The following CDH12 variants were observed in gnomAD, a reference collection of about 807,000 sequenced individuals.
CDH12 encodes cadherin 12, also known as cadherin-12.
Under a neutral mutation model 74.1 loss-of-function variants are expected in CDH12, and 41 were observed. The ratio of observed to expected loss-of-function variants is 0.55; its 90% CI spans 0.43 to 0.72. The LOEUF (loss-of-function observed/expected upper bound fraction) is 0.72, where lower values mean the gene tolerates loss of function less well. CDH12 is among the 30% of genes least tolerant of loss of function. The probability of loss-of-function intolerance (pLI) is 0.00; values close to 1 mark genes in which losing one functional copy is unlikely to be tolerated. For missense variants in CDH12, 945 were observed against 977.2 expected (o/e 0.97, Z 0.44); for synonymous variants, 399 against 355.0 (o/e 1.12, Z -1.39).
intron 3 of CDH12, among the ~76,000 whole-genome samples, chr5:22,222,400 ATT>A (rs1752047832): frequency 6.6e-6 from 1 of 151,926 alleles, no homozygotes; most frequent in African/African-American, 2.4e-5. Flanking sequence ...TAGGTTCTTG[ATT>A]TCTGGCAGAA....
At chr5:22,817,004 A>C (rs1435501933) in intron 1 of CDH12, among the ~76,000 whole-genome samples, 1 of 152,172 alleles carries the variant, frequency 6.6e-6, no homozygotes, top group Non-Finnish European at 1.5e-5. Context: ...CACACTTTTC[A>C]AATTAAAATT....
intron 1 of CDH12, among the ~76,000 whole-genome samples, chr5:22,663,759 T>C (rs1740462634): frequency 6.6e-6 from 1 of 152,188 alleles, no homozygotes; most frequent in East Asian, 1.9e-4. Flanking sequence ...TGTTAAAGTG[T>C]TCATTTCATT....
chr5:22,626,163 G>C (rs1368521105), intron 1 of CDH12, among the ~76,000 whole-genome samples: 1 of 152,158 alleles, frequency 6.6e-6, no homozygotes, highest in Non-Finnish European at 1.5e-5. Context: ...TGGGCACTCT[G>C]CCTCACCATT....
intron 6 of CDH12, among the ~76,000 whole-genome samples, chr5:21,896,759 C>T (rs757871960): frequency 2.6e-5 from 4 of 152,114 alleles, no homozygotes; most frequent in Admixed American, 2.0e-4. Flanking sequence ...TAACACTGCC[C>T]GCTTCCCAGA....
intron 10 of CDH12, among the ~76,000 whole-genome samples, chr5:21,800,186 G>A (rs772249960): frequency 2.9e-5 from 4 of 139,094 alleles, no homozygotes; most frequent in South Asian, 2.1e-4. Flanking sequence ...ATTTGGCCTC[G>A]GGATGAATTG....
intron 2 of CDH12, among the ~76,000 whole-genome samples, chr5:22,496,409 T>C (rs1206450712): frequency 6.6e-6 from 1 of 152,240 alleles, no homozygotes; most frequent in African/African-American, 2.4e-5. Context: ...GATTTTGATC[T>C]ATGTCACTTT....
chr5:22,562,878 T>G (rs922266848), intron 1 of CDH12, among the ~76,000 whole-genome samples: 1 of 148,494 alleles, frequency 6.7e-6, no homozygotes, highest in African/African-American at 2.4e-5. Context: ...TTTTATAAAT[T>G]TAAATTTATA....
At chr5:22,716,858 GA>G (rs1013564888) in intron 1 of CDH12, among the ~76,000 whole-genome samples, 9 of 151,098 alleles carry the variant, frequency 6.0e-5, no homozygotes, top group African/African-American at 1.9e-4. Flanking sequence ...ATTTGAAAAA[GA>G]AAAAAAGATT....
At chr5:22,666,864 G>GT (rs1002171434) in intron 1 of CDH12, among the ~76,000 whole-genome samples, 2 of 152,112 alleles carry the variant, frequency 1.3e-5, no homozygotes, top group African/African-American at 4.8e-5. Flanking sequence ...ACAATCTGTG[G>GT]TTTTCTCTAG....
At chr5:22,505,231 G>A (rs561530624) in intron 2 of CDH12, 39 bp downstream of exon 2, 4 of 656,886 alleles carry the variant, frequency 6.1e-6, no homozygotes, top group South Asian at 1.3e-4. Context: ...TAATTAAGAA[G>A]GTAAAAGCAT....
At chr5:21,964,506 A>C (rs942586755) in intron 6 of CDH12, among the ~76,000 whole-genome samples, 1 of 152,004 alleles carries the variant, frequency 6.6e-6, no homozygotes, top group African/African-American at 2.4e-5. Context: ...TGGACCCATA[A>C]AATAATCTTT....
At chr5:22,586,343 TG>T (rs1211899878) in intron 1 of CDH12, among the ~76,000 whole-genome samples, 5 of 151,074 alleles carry the variant, frequency 3.3e-5, no homozygotes, top group African/African-American at 4.9e-5. Flanking sequence ...TGTTGTGGGG[TG>T]GGGGGAGTGA....
intron 4 of CDH12, among the ~76,000 whole-genome samples, chr5:22,156,826 C>T (rs1413442782): frequency 1.3e-5 from 2 of 152,084 alleles, no homozygotes; most frequent in Non-Finnish European, 2.9e-5. Flanking sequence ...TTTACATATG[C>T]ATAATGTAGC....
chr5:22,009,849 T>C (rs1165279508), intron 5 of CDH12, among the ~76,000 whole-genome samples: 7 of 147,958 alleles, frequency 4.7e-5, no homozygotes, highest in Non-Finnish European at 1.0e-4. Flanking sequence ...GTGGTGGCGG[T>C]TGCCTGTAAT....
intron 7 of CDH12, among the ~76,000 whole-genome samples, chr5:21,849,486 T>A (rs967185935): frequency 6.6e-5 from 10 of 151,810 alleles, no homozygotes; most frequent in African/African-American, 2.4e-4. Flanking sequence ...CTGTTTTATC[T>A]TAATAATTAT....
At chr5:22,199,049 T>A (rs1342282655) in intron 4 of CDH12, among the ~76,000 whole-genome samples, 4 of 152,138 alleles carry the variant, frequency 2.6e-5, no homozygotes, top group Admixed American at 1.3e-4. Flanking sequence ...GAACTTGAAT[T>A]CTGATAATAG....
intron 1 of CDH12, among the ~76,000 whole-genome samples, chr5:22,760,092 C>A (rs566934968): frequency 3.8e-4 from 58 of 152,274 alleles, no homozygotes; most frequent in Middle Eastern, 3.4e-3. Flanking sequence ...TGTGGTCTAG[C>A]CAAACTGACA....
At chr5:22,364,137 C>T (rs909576516) in intron 3 of CDH12, among the ~76,000 whole-genome samples, 1 of 152,030 alleles carries the variant, frequency 6.6e-6, no homozygotes, top group Non-Finnish European at 1.5e-5. Context: ...GATTGTATGG[C>T]TTTGTGCAAA....
At position 22,326,545 on chromosome 5, in the gene CDH12, C is replaced by T. The variant is rs545797109; in HGVS notation, c.-333+78712G>A. ...CCACCGCGCCCGGCCTCCAGGTTGG[C>T]TTTACATCTCATGAAACTACAAAGA... On this transcript the variant is annotated intron_variant, in intron 3 of 14. Transcript: ENST00000382254. Among the ~76,000 whole-genome samples, 3 of 152,270 alleles carry T rather than the reference C, an allele frequency of 2.0e-5. No individual in the cohort carries two copies. The East Asian group carries it at 5.8e-4, about 29-fold the overall frequency.
Sources: gnomAD v4.1 joint callset for allele counts (sites outside exome capture counted in the v4.1 genomes callset) on GRCh38, gnomAD v4.1.1 for gene constraint, MANE v1.5 for transcripts, NCBI Gene and HGNC (gene_info 2026-07-23, HGNC 2026-07-21) for gene names.